Variants in DMD observed in about 807,000 individuals in gnomAD.
The protein encoded by DMD is mutant dystrophin.
Under a neutral mutation model 330.1 loss-of-function variants are expected in DMD, and 63 were observed. That is an observed-to-expected ratio of 0.19 (90% CI 0.16 to 0.24). DMD has a LOEUF of 0.24. Among genes scored for constraint, DMD ranks in the 10% least tolerant of loss-of-function variants. DMD has a pLI of 1.00. For synonymous variants in DMD, 1,223 were observed against 959.8 expected (o/e 1.27, Z -5.07); for missense variants, 3,344 against 2,684.1 (o/e 1.25, Z -5.43).
At chrX:32,397,775 C>T (rs913106251) in intron 30 of DMD, among the ~76,000 whole-genome samples, 2 of 111,030 alleles carry the variant, frequency 1.8e-5, no homozygotes, top group African/African-American at 3.3e-5. Flanking sequence ...CTCATCAAAC[C>T]ATTCTCATAT....
intron 1 of DMD, among the ~76,000 whole-genome samples, chrX:33,323,792 T>C (rs1173595681): frequency 2.7e-5 from 3 of 111,930 alleles, no homozygotes; most frequent in Non-Finnish European, 5.6e-5. Context: ...ATAGTACTCC[T>C]GGAAACTACT....
chrX:32,867,728 C>A (rs2082626239), intron 2 of DMD, among the ~76,000 whole-genome samples: 1 of 111,515 alleles, frequency 9.0e-6, no homozygotes, highest in African/African-American at 3.3e-5. Flanking sequence ...TCATTATCAG[C>A]TTGAAAAGTG....
Position 31,803,918 on chromosome X carries a change from C to A in DMD, c.7309+16057G>T, listed in dbSNP as rs1218876034. ...TTCTCCATGTTGGTCAGGCTGGTCTCAAACTCCCGACCTCAGGTGATCCAC... is the reference window on the plus strand; with the variant it reads ...TTCTCCATGTTGGTCAGGCTGGTCTAAAACTCCCGACCTCAGGTGATCCAC... On this transcript the variant is annotated intron_variant, in intron 50 of 78. Coordinates refer to ENST00000357033, the MANE Select transcript of DMD (RefSeq NM_004006.3). Among the ~76,000 whole-genome samples the A allele has an allele frequency of 4.5e-5, 5 of 110,149 alleles. No homozygotes were observed. In the East Asian group the frequency reaches 1.4e-3, roughly 32 times the overall value.
intron 4 of DMD, among the ~76,000 whole-genome samples, chrX:32,839,581 A>G (rs1204856265): frequency 2.7e-5 from 3 of 112,222 alleles, no homozygotes; most frequent in Non-Finnish European, 3.8e-5. Flanking sequence ...GCTTATTGAT[A>G]TAGAACACAC....
At chrX:32,551,698 C>T (rs1377337041) in intron 16 of DMD, among the ~76,000 whole-genome samples, 1 of 111,361 alleles carries the variant, frequency 9.0e-6, no homozygotes, top group Non-Finnish European at 1.9e-5. Context: ...CAAATTATCC[C>T]TGTTTGCAGA....
chrX:31,187,723 G>A (rs1184600956), intron 67 of DMD, among the ~76,000 whole-genome samples: 3 of 4,947 alleles, frequency 6.1e-4, no homozygotes, highest in Non-Finnish European at 1.6e-3. Context: ...TTCTCAGAGA[G>A]AGAGAGAGAG....
chrX:32,331,396 T>A (rs939589497), intron 41 of DMD, among the ~76,000 whole-genome samples: 14 of 111,961 alleles, frequency 1.3e-4, no homozygotes, highest in South Asian at 3.6e-4. Context: ...TATATTTTTT[T>A]AATTTTATCA....
intron 2 of DMD, among the ~76,000 whole-genome samples, chrX:32,886,565 C>T (rs188085849): frequency 6.4e-5 from 7 of 109,836 alleles, no homozygotes; most frequent in South Asian, 8.0e-4. Flanking sequence ...CGCCTGTGGT[C>T]CCAGCTACTC....
intron 44 of DMD, among the ~76,000 whole-genome samples, chrX:32,184,832 C>CTTTTTTTTT: frequency 1.6e-5 from 1 of 60,665 alleles, no homozygotes; most frequent in Non-Finnish European, 3.1e-5. Context: ...CTACAGATGT[C>CTTTTTTTTT]TTTTTTTTTT....
At chrX:32,099,657 G>C (rs767525991) in intron 44 of DMD, among the ~76,000 whole-genome samples, 18 of 102,191 alleles carry the variant, frequency 1.8e-4, no homozygotes, top group African/African-American at 5.8e-4. Context: ...AAACCAAACA[G>C]CGCATGTTCT....
At chrX:31,510,090 G>A (rs147018544) in intron 55 of DMD, among the ~76,000 whole-genome samples, 2 of 111,987 alleles carry the variant, frequency 1.8e-5, no homozygotes, top group Non-Finnish European at 3.8e-5. Context: ...TAAATGACAC[G>A]TGTACAGTAA....
intron 41 of DMD, among the ~76,000 whole-genome samples, chrX:32,319,908 G>C (rs1005499863): frequency 9.1e-6 from 1 of 110,346 alleles, no homozygotes; most frequent in Non-Finnish European, 1.9e-5. Context: ...TACATATCTA[G>C]TATATATTTT....
At chrX:32,320,447 C>T (rs762580494) in intron 41 of DMD, among the ~76,000 whole-genome samples, 126 of 111,779 alleles carry the variant, frequency 1.1e-3, no homozygotes, top group African/African-American at 4.0e-3. Flanking sequence ...CTTAGTACAT[C>T]TGTTTTTACT....
chrX:32,392,197 AG>A (rs1315898828), intron 30 of DMD, among the ~76,000 whole-genome samples: 16 of 111,774 alleles, frequency 1.4e-4, no homozygotes, highest in Non-Finnish European at 2.3e-4. Flanking sequence ...ATGCATAGGG[AG>A]TGAGGTGGTA....
chrX:33,113,419 A>T (rs1603299214), intron 1 of DMD, among the ~76,000 whole-genome samples: 1 of 112,100 alleles, frequency 8.9e-6, no homozygotes, highest in South Asian at 3.7e-4. Context: ...TGGGGAAAAA[A>T]ATAGTTTTTG....
intron 60 of DMD, among the ~76,000 whole-genome samples, chrX:31,361,390 ATTTCT>A (rs1281251689): frequency 9.0e-6 from 1 of 111,425 alleles, no homozygotes; most frequent in Admixed American, 9.6e-5. Context: ...GACATGAAAA[ATTTCT>A]TTTCTCAAGA....
At chrX:31,890,111 C>G (rs2094221183) in intron 47 of DMD, among the ~76,000 whole-genome samples, 1 of 108,688 alleles carries the variant, frequency 9.2e-6, no homozygotes, top group Non-Finnish European at 1.9e-5. Context: ...CTTCTTTTTA[C>G]TTTTATATAA....
intron 60 of DMD, among the ~76,000 whole-genome samples, chrX:31,392,709 A>G (rs1377696985): frequency 3.6e-5 from 4 of 112,409 alleles, no homozygotes; most frequent in African/African-American, 1.3e-4. Context: ...TACGTAATAA[A>G]GCTCTAATCC....
intron 74 of DMD, 150 bp from the exon 75 acceptor site, chrX:31,147,668 C>T: frequency 2.2e-6 from 1 of 455,561 alleles, no homozygotes; most frequent in Non-Finnish European, 3.7e-6. Context: ...AAAAGAGGCA[C>T]TAATGAATGG....
Sources: allele counts gnomAD v4.1 joint callset (sites outside exome capture counted in the v4.1 genomes callset), GRCh38; gene constraint gnomAD v4.1.1; transcripts MANE v1.5; gene names NCBI Gene and HGNC (gene_info 2026-07-23, HGNC 2026-07-21).